The following GRIP1 variants were observed in gnomAD, a reference collection of about 807,000 sequenced individuals.
The protein encoded by GRIP1 is glutamate receptor-interacting protein 1.
A neutral mutation model predicts 129.9 loss-of-function variants in GRIP1; 45 were observed. The ratio of observed to expected loss-of-function variants is 0.35; its 90% CI spans 0.27 to 0.44. The LOEUF (loss-of-function observed/expected upper bound fraction) is 0.44, where lower values mean the gene tolerates loss of function less well. Among genes scored for constraint, GRIP1 ranks in the 20% least tolerant of loss-of-function variants. The pLI is 1.00. For missense variants in GRIP1, 1,196 were observed against 1,396.8 expected, an observed-to-expected ratio of 0.86 and a Z score of 2.29; for synonymous variants, 530 against 520.8, an observed-to-expected ratio of 1.02 and a Z score of -0.24.
At chr12:66,404,898 GAC>G (rs892950273) in intron 16 of GRIP1, among the ~76,000 whole-genome samples, 11 of 152,136 alleles carry the variant, frequency 7.2e-5, no homozygotes, top group African/African-American at 2.2e-4. Context: ...CAGGAAAGGT[GAC>G]ACACACCAGT....
chr12:66,799,169 C>T (rs769840956), intron 1 of GRIP1, among the ~76,000 whole-genome samples: 1 of 151,610 alleles, frequency 6.6e-6, no homozygotes, highest in Non-Finnish European at 1.5e-5. Context: ...TTTAGTATTT[C>T]TTTATTCCAT....
At chr12:67,047,101 A>T (rs2043265272) in intron 1 of GRIP1, among the ~76,000 whole-genome samples, 1 of 152,170 alleles carries the variant, frequency 6.6e-6, no homozygotes, top group African/African-American at 2.4e-5. Flanking sequence ...GCAGCGTCTT[A>T]ACAGTTTTAA....
At chr12:66,385,416 G>A (rs2056311749) in intron 19 of GRIP1, among the ~76,000 whole-genome samples, 1 of 151,812 alleles carries the variant, frequency 6.6e-6, no homozygotes, top group East Asian at 2.0e-4. Flanking sequence ...GGCACCTGTA[G>A]TCCCAGCTAC....
At chr12:66,869,593 T>C (rs2040262168) in intron 1 of GRIP1, among the ~76,000 whole-genome samples, 2 of 152,112 alleles carry the variant, frequency 1.3e-5, no homozygotes, top group South Asian at 4.1e-4. Context: ...GTCAAGGTGA[T>C]GAGCATAAAT....
chr12:66,493,401 A>G (rs983999639), intron 7 of GRIP1, among the ~76,000 whole-genome samples: 15 of 152,206 alleles, frequency 9.9e-5, no homozygotes, highest in Non-Finnish European at 1.8e-4. Context: ...GGAACTGTAT[A>G]TGCCTTCAGG....
At chr12:66,962,571 C>G (rs902725618) in intron 1 of GRIP1, among the ~76,000 whole-genome samples, 1 of 152,074 alleles carries the variant, frequency 6.6e-6, no homozygotes, top group Admixed American at 6.6e-5. Context: ...TATGAAGCCA[C>G]GGCATTAAGG....
chr12:66,774,923 G>A (rs1031912254), intron 1 of GRIP1, among the ~76,000 whole-genome samples: 10 of 152,154 alleles, frequency 6.6e-5, no homozygotes, highest in Non-Finnish European at 1.2e-4. Flanking sequence ...CAAAGAGGGG[G>A]AGGGGGAGAA....
rs2042499861 is a variant in GRIP1 at position 66,998,309 on chromosome 12, C to T, written c.58+70741G>A. Among the ~76,000 whole-genome samples the T allele has an allele frequency of 2.6e-5, 4 of 152,024 alleles. No individual in the cohort carries two copies. In the South Asian group the frequency reaches 8.3e-4, roughly 32 times the overall value. On this transcript the variant is annotated intron_variant, in intron 1 of 1. Transcript: ENST00000643019. ...GACCACAGAGTTTTGAATAAAAGAT[C>T]TTGGCCAAATAATTTCATAGGGAAG...
chr12:66,372,379 C>T (rs1020771250), intron 22 of GRIP1: 1 of 253,462 alleles, frequency 3.9e-6, no homozygotes, highest in Admixed American at 5.1e-5. Flanking sequence ...CTATCTCCAA[C>T]TGCAGTTAAC....
At chr12:66,661,988 C>G (rs1164209713) in intron 1 of GRIP1, among the ~76,000 whole-genome samples, 1 of 152,138 alleles carries the variant, frequency 6.6e-6, no homozygotes, top group Non-Finnish European at 1.5e-5. Flanking sequence ...AACACTGTAG[C>G]CATTCCCACC....
chr12:66,409,493 C>A (rs1422505170), intron 15 of GRIP1, among the ~76,000 whole-genome samples: 1 of 152,206 alleles, frequency 6.6e-6, no homozygotes, highest in Non-Finnish European at 1.5e-5. Context: ...AATGGAGATA[C>A]AGGTGAAGTG....
At chr12:66,835,654 A>G (rs2039599679) in intron 1 of GRIP1, among the ~76,000 whole-genome samples, 1 of 152,190 alleles carries the variant, frequency 6.6e-6, no homozygotes, top group South Asian at 2.1e-4. Context: ...GCCAATCCCA[A>G]AAGGCTGCAT....
chr12:66,737,852 G>A (rs2036656987), intron 1 of GRIP1, among the ~76,000 whole-genome samples: 1 of 152,200 alleles, frequency 6.6e-6, no homozygotes, highest in South Asian at 2.1e-4. Context: ...ACGTGAATTT[G>A]AAGTTCTAAT....
chr12:66,909,697 A>T (rs959772073), intron 1 of GRIP1, among the ~76,000 whole-genome samples: 2 of 152,188 alleles, frequency 1.3e-5, no homozygotes, highest in Non-Finnish European at 2.9e-5. Flanking sequence ...GTGTGAGAAC[A>T]AGGTTTAGAT....
chr12:66,433,404 G>T (rs1279897378), intron 13 of GRIP1, among the ~76,000 whole-genome samples: 1 of 152,174 alleles, frequency 6.6e-6, no homozygotes, highest in African/African-American at 2.4e-5. Context: ...ATAATGAGGA[G>T]CTTTTAGAGA....
At chr12:66,937,090 T>C (rs2041498638) in intron 1 of GRIP1, among the ~76,000 whole-genome samples, 1 of 152,214 alleles carries the variant, frequency 6.6e-6, no homozygotes, top group Admixed American at 6.5e-5. Context: ...AGCAAAAGCT[T>C]GAAGGTAGAT....
At chr12:66,549,406 C>A (rs917195792) in intron 2 of GRIP1, among the ~76,000 whole-genome samples, 3 of 152,046 alleles carry the variant, frequency 2.0e-5, no homozygotes, top group African/African-American at 7.2e-5. Context: ...GGGCACGCAC[C>A]AGAATACTAT....
intron 1 of GRIP1, among the ~76,000 whole-genome samples, chr12:67,030,876 T>C (rs1374433380): frequency 6.6e-6 from 1 of 152,146 alleles, no homozygotes; most frequent in Non-Finnish European, 1.5e-5. Flanking sequence ...CAAAGTTAGT[T>C]AGAAGCCTAA....
chr12:67,043,313 A>G (rs2043206584), intron 1 of GRIP1, among the ~76,000 whole-genome samples: 1 of 152,206 alleles, frequency 6.6e-6, no homozygotes, highest in African/African-American at 2.4e-5. Flanking sequence ...AAAAAGTCCT[A>G]AAGTCTGTTA....
Sources: allele counts gnomAD v4.1 joint callset (sites outside exome capture counted in the v4.1 genomes callset), GRCh38; gene constraint gnomAD v4.1.1; transcripts MANE v1.5; gene names NCBI Gene and HGNC (gene_info 2026-07-23, HGNC 2026-07-21).